The following GRIK2 variants were observed in gnomAD, a reference collection of about 807,000 sequenced individuals.
GRIK2 encodes the protein glutamate ionotropic receptor kainate type subunit 2, also known as glutamate receptor ionotropic, kainate 2.
Under a neutral mutation model 100.3 loss-of-function variants are expected in GRIK2, and 32 were observed. That is an observed-to-expected ratio of 0.32 (90% CI 0.24 to 0.43). GRIK2 has a LOEUF of 0.43. Ranked by LOEUF, GRIK2 falls within the 20% of genes least tolerant of loss-of-function variation. The pLI, the probability that GRIK2 is intolerant of heterozygous loss-of-function variation, is 1.00. For synonymous variants in GRIK2, 417 were observed against 389.4 expected, an observed-to-expected ratio of 1.07 and a Z score of -0.83; for missense variants, 843 against 1,114.9, an observed-to-expected ratio of 0.76 and a Z score of 3.47.
chr6:101,413,860 C>A lies in GRIK2; in HGVS notation c.115+14468C>A, dbSNP rs1351643942. Among the ~76,000 whole-genome samples, 6 of 117,500 alleles carry A rather than the reference C, an allele frequency of 5.1e-5. No individual in the cohort carries two copies. The Admixed American group carries it at 5.3e-4, about 10-fold the overall frequency. The allele number at this position is 117,500 out of a possible 152,430, so 77.1% of individuals were successfully genotyped here. ...TCAAGTCTTTATTTATACAAGCAAC[C>A]AGTCATACAATTTGCTATTTGTTCA... is the stretch of plus-strand genomic sequence containing the variant. On this transcript the variant is annotated intron_variant, in intron 2 of 16. Transcript: ENST00000369134.
chr6:101,584,502 C>T (rs1778257748), intron 2 of GRIK2, among the ~76,000 whole-genome samples: 1 of 151,846 alleles, frequency 6.6e-6, no homozygotes, highest in South Asian at 2.1e-4. Flanking sequence ...GAGACAGTAG[C>T]AAAACTAACA....
intron 2 of GRIK2, among the ~76,000 whole-genome samples, chr6:101,461,955 C>T (rs534835209): frequency 7.2e-5 from 11 of 152,124 alleles, no homozygotes; most frequent in African/African-American, 2.2e-4. Flanking sequence ...TTAAGACATA[C>T]GAAGCTGAGA....
intron 2 of GRIK2, among the ~76,000 whole-genome samples, chr6:101,494,971 T>TTATATA (rs369006296): frequency 0.034 from 3,642 of 107,822 alleles, 120 homozygotes; most frequent in Middle Eastern, 0.045. Flanking sequence ...ATATATGCAT[T>TTATATA]TATATATATA....
chr6:102,014,842 T>C lies in GRIK2; in HGVS notation c.2086-20499T>C, dbSNP rs140524098. On this transcript the variant is annotated intron_variant, in intron 14 of 16. Coordinates refer to ENST00000369134, the MANE Select transcript of GRIK2 (RefSeq NM_021956.5). The stretch of plus-strand genomic sequence containing the variant: ...GTTCTTTTGCATTTGCTGAGGATTG[T>C]TTTATATCTGATTATGTAGTTGATT... Among the ~76,000 whole-genome samples the C allele has an allele frequency of 1.6e-4, 24 of 152,230 alleles. No individual in the cohort carries two copies. In the East Asian group the frequency reaches 4.4e-3, roughly 28 times the overall value.
chr6:101,653,993 A>T lies in GRIK2; in HGVS notation c.542-22630A>T, dbSNP rs181791153. Among the ~76,000 whole-genome samples the T allele has an allele frequency of 1.8e-3, 281 of 152,288 alleles. 1 individual carries two copies. Among genetic ancestry groups the T allele is most frequent in the African/African-American group, 6.3e-3 (260 of 41,566 alleles). ...CTCATGGTAATACTTTTCATAATGT[A>T]CCACAACTGATGGTTTATTTTCTGT... On this transcript the variant is annotated intron_variant, in intron 4 of 16. Transcript: ENST00000369134.
chr6:101,541,938 A>G (rs1776018767), intron 2 of GRIK2, among the ~76,000 whole-genome samples: 1 of 151,906 alleles, frequency 6.6e-6, no homozygotes, highest in South Asian at 2.1e-4. Context: ...CTATTTCGTT[A>G]CAGATCATAA....
rs571105511 is a variant in GRIK2, at chr6:101,794,184, C to G, written c.952-5464C>G. 2.6e-4 allele frequency among the ~76,000 whole-genome samples: 40 copies of G among 152,252 alleles called. No homozygotes were observed. The East Asian group carries it at 4.7e-3, about 18-fold the overall frequency. On this transcript the variant is annotated intron_variant, in intron 7 of 16. Transcript: ENST00000369134. ...TTCCTGAGTGAGGCAATGCCTCGCC[C>G]TGCTTCGGCTCGCGCACAGTGCACT...
At chr6:101,660,695 T>G (rs1769545934) in intron 4 of GRIK2, among the ~76,000 whole-genome samples, 1 of 152,210 alleles carries the variant, frequency 6.6e-6, no homozygotes, top group Non-Finnish European at 1.5e-5. Flanking sequence ...ATGCCATTCC[T>G]TTCTGTTTGT....
At chr6:101,853,956 A>T (rs2128441068) in intron 10 of GRIK2, among the ~76,000 whole-genome samples, 1 of 152,304 alleles carries the variant, frequency 6.6e-6, no homozygotes, top group African/African-American at 2.4e-5. Context: ...AAAAGCACAG[A>T]GAATATTTAG....
chr6:101,868,467 A>T (rs1296825561), intron 11 of GRIK2, among the ~76,000 whole-genome samples: 1 of 151,722 alleles, frequency 6.6e-6, no homozygotes, highest in East Asian at 1.9e-4. Flanking sequence ...AAATTTGTTT[A>T]TCTGTGGTAT....
chr6:102,006,390 A>ATATATATTTTTTTTTTTT (rs1315524835), intron 14 of GRIK2, among the ~76,000 whole-genome samples: 3 of 114,102 alleles, frequency 2.6e-5, no homozygotes, highest in African/African-American at 1.4e-4. Context: ...ATATATATAT[A>ATATATATTTTTTTTTTTT]TTTTTTTTTT....
At chr6:101,732,499 C>T (rs1017421937) in intron 7 of GRIK2, among the ~76,000 whole-genome samples, 5 of 151,940 alleles carry the variant, frequency 3.3e-5, no homozygotes, top group African/African-American at 4.8e-5. Flanking sequence ...ATCTTTATTT[C>T]ATGGTTCATT....
intron 2 of GRIK2, among the ~76,000 whole-genome samples, chr6:101,506,194 C>CT (rs1409920504): frequency 6.6e-6 from 1 of 152,142 alleles, no homozygotes; most frequent in Non-Finnish European, 1.5e-5. Flanking sequence ...AGCTGAACTC[C>CT]TTCACTGGCT....
At chr6:101,563,800 ATGAAGT>A (rs144445386) in intron 2 of GRIK2, among the ~76,000 whole-genome samples, 8,111 of 152,050 alleles carry the variant, frequency 0.053, 706 homozygotes, top group African/African-American at 0.19. Context: ...TGTAAACCCT[ATGAAGT>A]TGACTTGGAG....
chr6:101,871,488 T>G (rs916232911), intron 11 of GRIK2, among the ~76,000 whole-genome samples: 1 of 151,016 alleles, frequency 6.6e-6, no homozygotes, highest in African/African-American at 2.5e-5. Context: ...ACCCCGATAG[T>G]GAGCATCACA....
intron 7 of GRIK2, among the ~76,000 whole-genome samples, chr6:101,703,535 C>G (rs1773041572): frequency 6.6e-6 from 1 of 151,672 alleles, no homozygotes; most frequent in Non-Finnish European, 1.5e-5. Context: ...AAAAGCTAAG[C>G]TGGACTGTAT....
chr6:101,920,548 G>A (rs9377324), intron 12 of GRIK2, among the ~76,000 whole-genome samples: 4 of 151,708 alleles, frequency 2.6e-5, no homozygotes, highest in African/African-American at 9.7e-5. Flanking sequence ...AATACTGAGC[G>A]ATAGTCATCA....
At chr6:101,944,262 AT>A (rs60090462) in intron 14 of GRIK2, among the ~76,000 whole-genome samples, 1 of 152,248 alleles carries the variant, frequency 6.6e-6, no homozygotes, top group African/African-American at 2.4e-5. Context: ...CAAATTACTC[AT>A]TTTTAGGTAG....
chr6:101,914,984 A>G (rs1402708172), intron 12 of GRIK2, among the ~76,000 whole-genome samples: 6 of 151,512 alleles, frequency 4.0e-5, no homozygotes, highest in Non-Finnish European at 7.4e-5. Flanking sequence ...ACATCTAAGT[A>G]TAGAAAACGC....
Sources: gnomAD v4.1 joint callset for allele counts (sites outside exome capture counted in the v4.1 genomes callset) on GRCh38, gnomAD v4.1.1 for gene constraint, MANE v1.5 for transcripts, NCBI Gene and HGNC (gene_info 2026-07-23, HGNC 2026-07-21) for gene names.